SLC26A11: variants seen among roughly 807,000 people sequenced by gnomAD.
SLC26A11 encodes solute carrier family 26 member 11.
SLC26A11 carries 58 observed loss-of-function variants against 62.2 expected under a neutral mutation model. The observed-to-expected ratio is 0.93, with a 90% CI of 0.76 to 1.16. SLC26A11 has a LOEUF of 1.16. Among genes scored for constraint, SLC26A11 ranks in the 50% most tolerant of loss-of-function variants. The probability of loss-of-function intolerance (pLI) is 0.00; values close to 1 mark genes in which losing one functional copy is unlikely to be tolerated. For synonymous variants in SLC26A11, 411 were observed against 368.9 expected (o/e 1.11, Z -1.31); for missense variants, 790 against 794.3 (o/e 0.99, Z 0.06).
chr17:80,225,151 C>T (rs2042373395), intron 5 of SLC26A11, among the ~76,000 whole-genome samples: 1 of 151,990 alleles, frequency 6.6e-6, no homozygotes, highest in East Asian at 1.9e-4. Flanking sequence ...GCCTGGGCCA[C>T]AGAGCAAGCA....
At chr17:80,232,457 G>A (rs538964227) in intron 7 of SLC26A11, among the ~76,000 whole-genome samples, 23 of 152,236 alleles carry the variant, frequency 1.5e-4, no homozygotes, top group African/African-American at 5.3e-4. Flanking sequence ...GTTTCACCAT[G>A]TTGGCCAGCC....
intron 10 of SLC26A11, among the ~76,000 whole-genome samples, chr17:80,244,318 C>T (rs2042939522): frequency 6.6e-6 from 1 of 152,180 alleles, no homozygotes; most frequent in Non-Finnish European, 1.5e-5. Flanking sequence ...CCTGGGGAGG[C>T]AGCATACTGG....
At chr17:80,221,511 G>GCT (rs2042189463) in intron 2 of SLC26A11, 37 bp from the exon 3 acceptor site, 1 of 1,439,176 alleles carries the variant, frequency 6.9e-7, no homozygotes, top group Non-Finnish European at 9.3e-7. Flanking sequence ...CAAAGGCCAC[G>GCT]CTCTGACTGC....
chr17:80,227,956 G>A lies in SLC26A11; in HGVS notation c.732G>A (p.Thr244=), dbSNP rs140713221. 17 of 1,599,802 alleles carry A rather than the reference G, an allele frequency of 1.1e-5. No homozygotes were observed. The highest frequency in any genetic ancestry group is 2.2e-5 in the South Asian group (2 of 91,010). The change falls in exon 7 of 18, where the codon ACG becomes ACA. Residue 244 remains threonine (T), a synonymous_variant. Transcript: ENST00000361193. ...RLSRGLVWAA[T]TARNALVVSF... Reference sequence around the variant, plus strand: ...GCCGTGGGCTGGTCTGGGCTGCCACGACAGGTGAGGGGCCTCTGGCTGACA... The same window carrying A: ...GCCGTGGGCTGGTCTGGGCTGCCACAACAGGTGAGGGGCCTCTGGCTGACA...
intron 5 of SLC26A11, among the ~76,000 whole-genome samples, chr17:80,225,299 C>T (rs1174328804): frequency 6.6e-6 from 1 of 152,238 alleles, no homozygotes; most frequent in African/African-American, 2.4e-5. Flanking sequence ...CGAGGATTCC[C>T]CAAGCTGGTT....
rs570193518 is a variant in SLC26A11 at position 80,246,192 on chromosome 17, C to T, written c.1136C>T (p.Ala379Val). ...GCTCAGTCGGGGGTGTGCACCCCGG[C>T]GGGGGGCCTGGTGACGGGTAAGGCC... ...VNAQSGVCTP[A>V]GGLVTGVLVL... The change falls in exon 12 of 18, where the codon GCG becomes GTG. Residue 379 changes from alanine to valine, a missense_variant. By Grantham distance (64) the Ala-to-Val change is moderately conservative. Transcript: ENST00000361193. This position sits in a 1 kb window ranked among gnomAD's most constrained non-coding sequence, Gnocchi z 4.4. 21 of 1,612,192 alleles carry T rather than the reference C, an allele frequency of 1.3e-5. No homozygotes were observed. Among genetic ancestry groups the T allele is most frequent in the Admixed American group, 1.0e-4 (6 of 59,778 alleles).
chr17:80,222,110 C>T lies in SLC26A11; in HGVS notation c.234+316C>T, dbSNP rs1198084576. 3.2e-6 allele frequency: 1 copy of T among 309,918 alleles called. No homozygotes were observed. The allele number at this position is 309,918 out of a possible 1,614,324, so 19.2% of individuals were successfully genotyped here. On this transcript the variant is annotated intron_variant, in intron 3 of 17. Transcript: ENST00000361193. The surrounding 1 kb of genome is among the most constrained non-coding windows in gnomAD (Gnocchi z 4.7). ...ACAAAAATTAGGCTGGGTGCGGTGG[C>T]TCAAGCCTGTAATCCCAGCACTTTG...
intron 9 of SLC26A11, among the ~76,000 whole-genome samples, chr17:80,239,189 C>G (rs112946019): frequency 6.6e-6 from 1 of 151,148 alleles, no homozygotes; most frequent in East Asian, 1.9e-4. Flanking sequence ...CAGCAATTAT[C>G]CTGCCTCAGC....
At chr17:80,242,407 G>A (rs116759806) in intron 10 of SLC26A11, among the ~76,000 whole-genome samples, 1 of 152,230 alleles carries the variant, frequency 6.6e-6, no homozygotes, top group Non-Finnish European at 1.5e-5. Flanking sequence ...TGACCCTGAG[G>A]TCTGTGGCCT....
intron 10 of SLC26A11, among the ~76,000 whole-genome samples, chr17:80,244,554 G>A (rs143104295): frequency 6.6e-6 from 1 of 152,328 alleles, no homozygotes; most frequent in African/African-American, 2.4e-5. Context: ...TTGAAAGCTA[G>A]GATCTTGCCA....
Position 80,223,291 on chromosome 17 carries a change from G to T in SLC26A11, c.467G>T (p.Gly156Val). Reference sequence around the variant, plus strand: ...TTCATTTCCTACCCCGTCATTAAAGGCTTCACCTCTGCTGCTGCCGTCACC... The same window carrying T: ...TTCATTTCCTACCCCGTCATTAAAGTCTTCACCTCTGCTGCTGCCGTCACC... ...LDFISYPVIK[G>V]FTSAAAVTIG... The change falls in exon 5 of 18, where the codon GGC becomes GTC. Residue 156 changes from glycine to valine, a missense_variant. By Grantham distance (109) the Gly-to-Val change is moderately radical. Coordinates refer to ENST00000361193, the MANE Select transcript of SLC26A11 (RefSeq NM_001166347.2). This position sits in a 1 kb window ranked among gnomAD's most constrained non-coding sequence, Gnocchi z 4.6. 6.2e-7 allele frequency: 1 copy of T among 1,614,130 alleles called. No homozygotes were observed. The highest frequency in any genetic ancestry group is 8.5e-7 in the Non-Finnish European group (1 of 1,180,022).
rs1489222238 is a variant in SLC26A11, at chr17:80,253,153, TGTG to T, written c.*438_*440del. 1 of 153,924 alleles carries T rather than the reference TGTG, an allele frequency of 6.5e-6. No individual in the cohort carries two copies. The highest frequency in any genetic ancestry group is 2.4e-5 in the African/African-American group (1 of 41,504). The allele number at this position is 153,924 out of a possible 1,614,324, so 9.5% of individuals were successfully genotyped here. A position where few individuals can be genotyped will look rare whatever the true frequency, so the allele number is the denominator to read the frequency against. ...GTCCGCTCCTCTTGTCTGCGGCATC[TGTG>T]CTCTCCGAGAGAAAACCAAGGTGTG... On this transcript the variant is annotated 3_prime_UTR_variant, in exon 18 of 18. Transcript: ENST00000361193.
rs930213069 is a variant in SLC26A11 at position 80,223,376 on chromosome 17, A to T, written c.513+39A>T. 3 of 1,596,178 alleles carry T rather than the reference A, an allele frequency of 1.9e-6. No homozygotes were observed. The Admixed American group carries it at 5.0e-5, about 27-fold the overall frequency. ...CCACCCAGGGCACTGCTCTTTGGCC[A>T]CTGCTCGTTGGCACAGGGATGGCGG... On this transcript the variant is annotated intron_variant, in intron 5 of 17. Transcript: ENST00000361193. The surrounding 1 kb of genome is among the most constrained non-coding windows in gnomAD (Gnocchi z 4.6).
intron 17 of SLC26A11, among the ~76,000 whole-genome samples, chr17:80,251,984 A>C (rs1039988348): frequency 6.6e-6 from 1 of 152,128 alleles, no homozygotes; most frequent in Admixed American, 6.5e-5. Flanking sequence ...GAAAGTCCAC[A>C]TCCCGGGGGA....
At position 80,222,451 on chromosome 17, in the gene SLC26A11, T is replaced by G; in HGVS notation, c.235-204T>G. On this transcript the variant is annotated intron_variant, in intron 3 of 17. Coordinates refer to ENST00000361193, the MANE Select transcript of SLC26A11 (RefSeq NM_001166347.2). The surrounding 1 kb of genome is among the most constrained non-coding windows in gnomAD (Gnocchi z 4.7). The stretch of plus-strand genomic sequence containing the variant: ...CTGCACCGACCCCTCTGCCTGGCTG[T>G]CTGCACCCTGAGGCCCCAGTTGAGT... The G allele has an allele frequency of 3.4e-6, 2 of 586,024 alleles. No homozygotes were observed. The highest frequency in any genetic ancestry group is 4.3e-5 in the South Asian group (2 of 46,604). The allele number at this position is 586,024 out of a possible 1,614,324, so 36.3% of individuals were successfully genotyped here. A position where few individuals can be genotyped will look rare whatever the true frequency, so the allele number is the denominator to read the frequency against.
intron 7 of SLC26A11, among the ~76,000 whole-genome samples, chr17:80,233,513 A>G (rs1219743520): frequency 2.6e-5 from 4 of 151,022 alleles, no homozygotes; most frequent in African/African-American, 9.7e-5. Flanking sequence ...CATCTGGTAT[A>G]ATTTTCCTTC....
At chr17:80,242,502 C>G (rs541965680) in intron 10 of SLC26A11, among the ~76,000 whole-genome samples, 1 of 152,088 alleles carries the variant, frequency 6.6e-6, no homozygotes, top group Non-Finnish European at 1.5e-5. Context: ...AGGCTGTGGC[C>G]GGGGGAATCG....
At position 80,228,366 on chromosome 17, in the gene SLC26A11, C is replaced by T. The variant is rs532602453; in HGVS notation, c.736+406C>T. On this transcript the variant is annotated intron_variant, in intron 7 of 17. Coordinates refer to ENST00000361193, the MANE Select transcript of SLC26A11 (RefSeq NM_001166347.2). The surrounding 1 kb of genome is among the most constrained non-coding windows in gnomAD (Gnocchi z 4.1). ...CATACTGGTCTCAAACTCCTGACCT[C>T]GAGTGATCTGCCTGCCTCGGCCTCC... 7.5e-4 allele frequency among the ~76,000 whole-genome samples: 114 copies of T among 152,300 alleles called. No homozygotes were observed. The highest frequency in any genetic ancestry group is 8.1e-4 in the Non-Finnish European group (55 of 68,032).
intron 14 of SLC26A11, 110 bp from the exon 15 acceptor site, chr17:80,248,465 C>G: frequency 7.6e-7 from 1 of 1,311,254 alleles, no homozygotes; most frequent in Non-Finnish European, 1.0e-6. Context: ...ACCCCTCTCC[C>G]GGTCCCCTGC....
Sources: gnomAD v4.1 joint callset for allele counts (sites outside exome capture counted in the v4.1 genomes callset) on GRCh38, gnomAD v4.1.1 for gene constraint, Gnocchi (gnomAD v3.1) non-coding constraint, MANE v1.5 for transcripts, NCBI Gene and HGNC (gene_info 2026-07-23, HGNC 2026-07-21) for gene names.